Variants in GREB1L observed in about 807,000 individuals in gnomAD.
The protein encoded by GREB1L is GREB1-like protein.
A neutral mutation model predicts 200.8 loss-of-function variants in GREB1L; 17 were observed. The observed-to-expected ratio is 0.08, with a 90% CI of 0.06 to 0.13. GREB1L has a LOEUF of 0.13. GREB1L is among the 10% of genes least tolerant of loss of function. GREB1L has a pLI of 1.00. For missense variants in GREB1L, 1,657 were observed against 2,367.7 expected (o/e 0.70, Z 6.23); for synonymous variants, 789 against 893.0 (o/e 0.88, Z 2.08).
At chr18:21,467,580 G>A (rs2035306115) in intron 15 of GREB1L, among the ~76,000 whole-genome samples, 1 of 152,130 alleles carries the variant, frequency 6.6e-6, no homozygotes, top group African/African-American at 2.4e-5. Flanking sequence ...ATAAAAGAGA[G>A]GTAGTAAGAA....
At position 21,349,202 on chromosome 18, in the gene GREB1L, A is replaced by G. The variant is rs149324438; in HGVS notation, c.-119-16825A>G. 2.6e-5 allele frequency among the ~76,000 whole-genome samples: 4 copies of G among 152,146 alleles called. No homozygotes were observed. The East Asian group carries it at 7.7e-4, about 29-fold the overall frequency. On this transcript the variant is annotated intron_variant, in intron 1 of 32. Coordinates refer to ENST00000424526, the MANE Select transcript of GREB1L (RefSeq NM_001142966.3). ...TTTCACACTTCCAAAGTTACCTTTT[A>G]TGTTTTAAAACATCTAATTATGTTA... is the stretch of plus-strand genomic sequence containing the variant.
At chr18:21,474,347 G>C (rs559488241) in intron 16 of GREB1L, among the ~76,000 whole-genome samples, 1 of 152,284 alleles carries the variant, frequency 6.6e-6, no homozygotes, top group Non-Finnish European at 1.5e-5. Context: ...GGAGAAATTG[G>C]CTAAAACAAA....
At chr18:21,327,288 A>C (rs1382219285) in intron 1 of GREB1L, among the ~76,000 whole-genome samples, 4 of 152,214 alleles carry the variant, frequency 2.6e-5, no homozygotes, top group African/African-American at 9.6e-5. Flanking sequence ...TAATGGGATG[A>C]CATTTGCTGA....
chr18:21,439,704 G>T, intron 8 of GREB1L, 67 bp downstream of exon 8: 1 of 996,814 alleles, frequency 1.0e-6, no homozygotes, highest in Non-Finnish European at 1.6e-6. Context: ...TCCAGATTTT[G>T]TAATGAATTA....
chr18:21,417,308 G>A (rs1239520678), intron 7 of GREB1L, among the ~76,000 whole-genome samples: 4 of 151,906 alleles, frequency 2.6e-5, no homozygotes, highest in Non-Finnish European at 5.9e-5. Flanking sequence ...GATCACTTGA[G>A]GTCAGGAGTT....
intron 4 of GREB1L, among the ~76,000 whole-genome samples, chr18:21,389,087 C>T (rs2040676288): frequency 6.6e-6 from 1 of 152,094 alleles, no homozygotes; most frequent in Non-Finnish European, 1.5e-5. Flanking sequence ...AGTTATACTC[C>T]ACATCCTTGA....
chr18:21,257,831 T>C (rs1463246670), intron 1 of GREB1L, among the ~76,000 whole-genome samples: 1 of 152,238 alleles, frequency 6.6e-6, no homozygotes, highest in Non-Finnish European at 1.5e-5. Context: ...AACAATATTA[T>C]TAAAAATGTA....
At position 21,498,393 on chromosome 18, in the gene GREB1L, C is replaced by T. The variant is rs943920160; in HGVS notation, c.3392-1336C>T. On this transcript the variant is annotated intron_variant, in intron 21 of 32. Coordinates refer to ENST00000424526, the MANE Select transcript of GREB1L (RefSeq NM_001142966.3). ...ACCACTCTGCCTGCCTCAACCCCAT[C>T]GCAACAGGCTCCCCAGTTTTCTCTC... Among the ~76,000 whole-genome samples the T allele has an allele frequency of 3.3e-5, 5 of 152,176 alleles. No homozygotes were observed. In the South Asian group the frequency reaches 8.3e-4, roughly 25 times the overall value.
rs574494494 is a variant in GREB1L, at chr18:21,321,403, G to C, written c.-119-44624G>C. On this transcript the variant is annotated intron_variant, in intron 1 of 32. Coordinates refer to ENST00000424526, the MANE Select transcript of GREB1L (RefSeq NM_001142966.3). ...CCAGTTTTTTAAAAAATGAAGGATA[G>C]GCCAGGCACGGTTGCTCACACCTGT... Among the ~76,000 whole-genome samples, 9 of 152,022 alleles carry C rather than the reference G, an allele frequency of 5.9e-5. No individual in the cohort carries two copies. The South Asian group carries it at 8.3e-4, about 14-fold the overall frequency.
intron 1 of GREB1L, among the ~76,000 whole-genome samples, chr18:21,248,189 C>T (rs559990432): frequency 1.3e-5 from 2 of 152,194 alleles, no homozygotes; most frequent in Middle Eastern, 6.8e-3. Flanking sequence ...AGTTGTGAAG[C>T]AAGACACTTG....
At chr18:21,372,996 G>A (rs1188391865) in intron 2 of GREB1L, among the ~76,000 whole-genome samples, 2 of 151,738 alleles carry the variant, frequency 1.3e-5, no homozygotes, top group African/African-American at 4.8e-5. Flanking sequence ...TTTGGCCCAA[G>A]ACATTTCTTC....
intron 2 of GREB1L, among the ~76,000 whole-genome samples, chr18:21,372,311 C>T (rs1277736387): frequency 6.6e-6 from 1 of 151,766 alleles, no homozygotes; most frequent in African/African-American, 2.4e-5. Flanking sequence ...CCCCGCCAGG[C>T]CAATTTTTGT....
chr18:21,501,886 G>A (rs566538614), intron 23 of GREB1L, among the ~76,000 whole-genome samples: 1 of 152,206 alleles, frequency 6.6e-6, no homozygotes, highest in South Asian at 2.1e-4. Context: ...AAGCCAGTGG[G>A]CATACCAAGA....
At chr18:21,328,845 A>T (rs1055238998) in intron 1 of GREB1L, among the ~76,000 whole-genome samples, 2 of 152,162 alleles carry the variant, frequency 1.3e-5, no homozygotes, top group African/African-American at 2.4e-5. Flanking sequence ...CAGGATTTGT[A>T]TTTAATTGTT....
Position 21,522,929 on chromosome 18 carries a change from C to A in GREB1L, c.*108C>A. 9.9e-7 allele frequency: 1 copy of A among 1,011,692 alleles called. No homozygotes were observed. Among genetic ancestry groups the A allele is most frequent in the Non-Finnish European group, 1.4e-6 (1 of 715,374 alleles). The allele number at this position is 1,011,692 out of a possible 1,614,324, so 62.7% of individuals were successfully genotyped here. ...AGTACAATCACTGTGGAGCAAAGTGCAACATATTTGTCTAAATTCTCCAAA... is the reference window on the plus strand; with the variant it reads ...AGTACAATCACTGTGGAGCAAAGTGAAACATATTTGTCTAAATTCTCCAAA... On this transcript the variant is annotated 3_prime_UTR_variant, in exon 33 of 33. Transcript: ENST00000424526.
chr18:21,318,275 A>T (rs1429908829), intron 1 of GREB1L, among the ~76,000 whole-genome samples: 1 of 152,210 alleles, frequency 6.6e-6, no homozygotes, highest in Admixed American at 6.5e-5. Flanking sequence ...CTGTTTGATC[A>T]GGCCACAGCA....
chr18:21,520,968 G>A (rs1435017849), intron 32 of GREB1L, 145 bp downstream of exon 32: 15 of 622,942 alleles, frequency 2.4e-5, no homozygotes, highest in African/African-American at 3.8e-5. Flanking sequence ...AGGCCGAGGC[G>A]GGTGGATCAC....
intron 2 of GREB1L, among the ~76,000 whole-genome samples, chr18:21,374,230 C>G (rs1285819316): frequency 6.6e-6 from 1 of 152,186 alleles, no homozygotes; most frequent in African/African-American, 2.4e-5. Flanking sequence ...TCTCAAACTC[C>G]TGGACTCAAG....
chr18:21,325,782 C>T (rs2039013237), intron 1 of GREB1L, among the ~76,000 whole-genome samples: 1 of 145,844 alleles, frequency 6.9e-6, no homozygotes, highest in Non-Finnish European at 1.5e-5. Flanking sequence ...CCACTGCCCT[C>T]CAGCCTGGGT....
Sources: gnomAD v4.1 joint callset for allele counts (sites outside exome capture counted in the v4.1 genomes callset) on GRCh38, gnomAD v4.1.1 for gene constraint, MANE v1.5 for transcripts, NCBI Gene and HGNC (gene_info 2026-07-23, HGNC 2026-07-21) for gene names.